SNX30: variants seen among roughly 807,000 people sequenced by gnomAD.
SNX30 encodes the protein sorting nexin family member 30.
In SNX30, 24 loss-of-function variants were observed where a neutral mutation model predicts 46.4. That is an observed-to-expected ratio of 0.52 (90% CI 0.37 to 0.73). The LOEUF (loss-of-function observed/expected upper bound fraction) is 0.73, where lower values mean the gene tolerates loss of function less well. Among genes scored for constraint, SNX30 ranks in the 30% least tolerant of loss-of-function variants. SNX30 has a pLI of 0.00. For missense variants in SNX30, 533 were observed against 555.7 expected, an observed-to-expected ratio of 0.96 and a Z score of 0.41; for synonymous variants, 189 against 211.5, an observed-to-expected ratio of 0.89 and a Z score of 0.92.
intron 1 of SNX30, among the ~76,000 whole-genome samples, chr9:112,756,239 C>T (rs1477837613): frequency 6.6e-6 from 1 of 152,080 alleles, no homozygotes; most frequent in Non-Finnish European, 1.5e-5. Flanking sequence ...CAAATATCCA[C>T]TACAGACCTT....
chr9:112,804,996 G>A, intron 2 of SNX30, 29 bp downstream of exon 2: 1 of 1,533,296 alleles, frequency 6.5e-7, no homozygotes, highest in South Asian at 1.3e-5. Flanking sequence ...GAATGCCCGT[G>A]TTGAGTGGTC....
At chr9:112,851,717 C>T (rs1043931654) in intron 7 of SNX30, among the ~76,000 whole-genome samples, 6 of 152,152 alleles carry the variant, frequency 3.9e-5, no homozygotes, top group Non-Finnish European at 7.3e-5. Flanking sequence ...AATCATTCTC[C>T]CTGAGCATTT....
rs147498351 is a variant in SNX30 at position 112,843,503 on chromosome 9, G to A, written c.1014+4806G>A. On this transcript the variant is annotated intron_variant, in intron 6 of 8. Transcript: ENST00000374232. Reference sequence around the variant, plus strand: ...GAGGGGAGCAGCCAGTGCAAAGTCCGAAAGCTGAAATGAGCTCAGAGTCTT... The same window carrying A: ...GAGGGGAGCAGCCAGTGCAAAGTCCAAAAGCTGAAATGAGCTCAGAGTCTT... 5.3e-5 allele frequency among the ~76,000 whole-genome samples: 8 copies of A among 152,150 alleles called. No homozygotes were observed. The East Asian group carries it at 1.2e-3, about 22-fold the overall frequency.
Position 112,804,696 on chromosome 9 carries a change from G to A in SNX30, c.157-80G>A, listed in dbSNP as rs1337553044. The stretch of plus-strand genomic sequence containing the variant: ...TTTTGGGTTTTAGAAATGTTTATTG[G>A]TTTGGCTAAACCAGCTGCTTTTGCT... On this transcript the variant is annotated intron_variant, in intron 1 of 8. Transcript: ENST00000374232. The A allele has an allele frequency of 3.1e-6, 4 of 1,300,556 alleles. No individual in the cohort carries two copies. In the Admixed American group the frequency reaches 9.3e-5, roughly 30 times the overall value. The allele number at this position is 1,300,556 out of a possible 1,614,324, so 80.6% of individuals were successfully genotyped here.
intron 1 of SNX30, among the ~76,000 whole-genome samples, chr9:112,763,412 G>A (rs1389472866): frequency 7.2e-6 from 1 of 138,968 alleles, no homozygotes; most frequent in Non-Finnish European, 1.5e-5. Context: ...GTAGAGAGAG[G>A]CGTCTCACTA....
chr9:112,763,313 G>A (rs1839474084), intron 1 of SNX30, among the ~76,000 whole-genome samples: 1 of 144,160 alleles, frequency 6.9e-6, no homozygotes, highest in African/African-American at 2.6e-5. Context: ...CTCAGCTCCT[G>A]ACCAGTCTTA....
intron 8 of SNX30, among the ~76,000 whole-genome samples, chr9:112,867,493 C>T (rs1330933612): frequency 6.6e-6 from 1 of 151,742 alleles, no homozygotes; most frequent in African/African-American, 2.4e-5. Flanking sequence ...CCTCCTCCCT[C>T]CTCAGAACTC....
intron 2 of SNX30, among the ~76,000 whole-genome samples, chr9:112,810,657 C>T (rs374026314): frequency 1.3e-5 from 2 of 152,096 alleles, no homozygotes; most frequent in African/African-American, 4.8e-5. Flanking sequence ...TGGAAGGAAA[C>T]ATTGCTTGCT....
Position 112,817,712 on chromosome 9 carries a change from G to A in SNX30, c.356G>A (p.Arg119Gln), listed in dbSNP as rs202019431. The change falls in exon 3 of 9, where the codon CGG becomes CAG. Residue 119 changes from arginine (R) to glutamine (Q), a missense_variant. This residue lies in a region of SNX30 where 81 missense variants were observed against 124.4 expected (regional missense o/e 0.65). Coordinates refer to ENST00000374232, the MANE Select transcript of SNX30 (RefSeq NM_001012994.2). The part of the protein sequence containing the change: ...ITYRITTKST[R>Q]VEFDLPEYSV... ...CCATTCTCTTCTTTGCAGAGTACTC[G>A]GGTGGAGTTTGACCTGCCAGAATAT... 31 of 1,596,270 alleles carry A rather than the reference G, an allele frequency of 1.9e-5. No individual in the cohort carries two copies. Among genetic ancestry groups the A allele is most frequent in the Non-Finnish European group, 2.5e-5 (29 of 1,164,118 alleles).
chr9:112,813,786 T>TAA (rs35257014), intron 2 of SNX30, among the ~76,000 whole-genome samples: 7 of 141,758 alleles, frequency 4.9e-5, no homozygotes, highest in African/African-American at 1.8e-4. Flanking sequence ...TATCTAAATT[T>TAA]AAAAAAAAAA....
chr9:112,834,660 C>T (rs913542234), intron 4 of SNX30, among the ~76,000 whole-genome samples: 2 of 151,988 alleles, frequency 1.3e-5, no homozygotes, highest in African/African-American at 4.8e-5. Flanking sequence ...AGGGAGGGAC[C>T]TTAGTCAGAA....
chr9:112,854,507 A>T (rs1564292706), intron 7 of SNX30, among the ~76,000 whole-genome samples: 1 of 152,180 alleles, frequency 6.6e-6, no homozygotes, highest in Non-Finnish European at 1.5e-5. Context: ...CTCTTAGCAC[A>T]CTGTGGCTGG....
At chr9:112,862,101 G>A (rs1841248241) in intron 7 of SNX30, among the ~76,000 whole-genome samples, 4 of 152,316 alleles carry the variant, frequency 2.6e-5, no homozygotes, top group Non-Finnish European at 5.9e-5. Context: ...TTCCCAGACC[G>A]AGGCTCAGGC....
chr9:112,858,837 A>G (rs1029236125), intron 7 of SNX30, among the ~76,000 whole-genome samples: 3 of 151,916 alleles, frequency 2.0e-5, no homozygotes, highest in Non-Finnish European at 4.4e-5. Flanking sequence ...GTCCTTTATT[A>G]ACCCTACACA....
intron 1 of SNX30, among the ~76,000 whole-genome samples, chr9:112,762,240 G>C (rs529493144): frequency 3.8e-5 from 5 of 132,734 alleles, no homozygotes; most frequent in East Asian, 2.2e-4. Flanking sequence ...GTGTGTTGGT[G>C]GGGGGGAAGT....
At chr9:112,762,295 C>A (rs1171376596) in intron 1 of SNX30, among the ~76,000 whole-genome samples, 1 of 151,974 alleles carries the variant, frequency 6.6e-6, no homozygotes, top group African/African-American at 2.4e-5. Context: ...TGAGAAGGGG[C>A]ACAGAGGCGG....
intron 3 of SNX30, among the ~76,000 whole-genome samples, chr9:112,826,934 G>A (rs1019240124): frequency 2.0e-5 from 3 of 152,186 alleles, no homozygotes; most frequent in African/African-American, 4.8e-5. Flanking sequence ...ACTGCATTTC[G>A]AATATTCTAC....
chr9:112,870,464 G>C lies in SNX30; in HGVS notation c.*1621G>C, dbSNP rs1439762388. On this transcript the variant is annotated 3_prime_UTR_variant, in exon 9 of 9. Transcript: ENST00000374232. ...CAGTTGGACAGCATAGGACGGCTTG[G>C]TTCTGTTTCATTGTGTTTGACAATG... 4 of 152,184 alleles carry C rather than the reference G, an allele frequency of 2.6e-5. No homozygotes were observed. The highest frequency in any genetic ancestry group is 6.5e-5 in the Admixed American group (1 of 15,282). The allele number at this position is 152,184 out of a possible 1,614,324, so 9.4% of individuals were successfully genotyped here.
chr9:112,842,882 A>G (rs758537070), intron 6 of SNX30, among the ~76,000 whole-genome samples: 2 of 152,256 alleles, frequency 1.3e-5, no homozygotes, highest in African/African-American at 2.4e-5. Context: ...GGTTGAAGGC[A>G]TGTGTCACAA....
Sources: gnomAD v4.1 joint callset for allele counts (sites outside exome capture counted in the v4.1 genomes callset) on GRCh38, gnomAD v4.1.1 for gene constraint, gnomAD v4.1.1 regional missense constraint, MANE v1.5 for transcripts, NCBI Gene and HGNC (gene_info 2026-07-23, HGNC 2026-07-21) for gene names.